The following FYCO1 variants were observed in gnomAD, a reference collection of about 807,000 sequenced individuals.
FYCO1 encodes the protein FYVE and coiled-coil domain autophagy adaptor 1.
Under a neutral mutation model 165.1 loss-of-function variants are expected in FYCO1, and 122 were observed. The observed-to-expected ratio is 0.74, with a 90% CI of 0.64 to 0.86. FYCO1 has a LOEUF of 0.86. FYCO1 is among the 40% of genes least tolerant of loss of function. FYCO1 has a pLI of 0.00. For missense variants in FYCO1, 1,702 were observed against 1,810.3 expected (o/e 0.94, Z 1.09); for synonymous variants, 648 against 742.5 (o/e 0.87, Z 2.07).
chr3:45,921,682 AC>A lies in FYCO1; in HGVS notation c.*82del. On this transcript the variant is annotated 3_prime_UTR_variant, in exon 18 of 18. Transcript: ENST00000296137. ...TGAGTTGATGATTTTGGAGCAGCTG[AC>A]TTTTTAAAAAAATGCTTTATGTGAC... 1 of 974,766 alleles carries A rather than the reference AC, an allele frequency of 1.0e-6. No individual in the cohort carries two copies. Among genetic ancestry groups the A allele is most frequent in the Non-Finnish European group, 1.7e-6 (1 of 601,958 alleles). The allele number at this position is 974,766 out of a possible 1,614,324, so 60.4% of individuals were successfully genotyped here.
At chr3:45,951,932 A>G (rs1238686014) in intron 14 of FYCO1, among the ~76,000 whole-genome samples, 4 of 152,220 alleles carry the variant, frequency 2.6e-5, no homozygotes, top group Non-Finnish European at 5.9e-5. Flanking sequence ...CGAAAGAGAG[A>G]ACATGAAGGC....
In FYCO1 at chr3:45,959,430, G is replaced by A. The variant is rs760469053; in HGVS notation, c.3550C>T (p.Arg1184Trp). Residue 1184 changes from arginine to tryptophan, a missense_variant, in exon 12 of 18, where the codon CGG (arginine) becomes TGG (tryptophan). Physicochemically the swap from Arg to Trp is moderately radical, Grantham distance 101. Coordinates refer to ENST00000296137, the MANE Select transcript of FYCO1 (RefSeq NM_024513.4). ...TEANHCLDCK[R>W]EFSWMVRRHH... ...CGCCGCACCATCCAGCTGAACTCCC[G>A]CTTACAGTCGAGGCAGTGGTTTGCC... The A allele has an allele frequency of 1.4e-5, 23 of 1,613,910 alleles. No individual in the cohort carries two copies. Among genetic ancestry groups the A allele is most frequent in the African/African-American group, 1.2e-4 (9 of 74,932 alleles).
chr3:45,922,459 G>C lies in FYCO1; in HGVS notation c.4362-619C>G, dbSNP rs531643596. Among the ~76,000 whole-genome samples, 13 of 152,318 alleles carry C rather than the reference G, an allele frequency of 8.5e-5. No homozygotes were observed. The East Asian group carries it at 2.1e-3, about 25-fold the overall frequency. On this transcript the variant is annotated intron_variant, in intron 17 of 17. Transcript: ENST00000296137. ...AATGGAGACTCAACTAAGGGCCGCT[G>C]GGGGAAGAGCAGAGCTTGGGCCTGG...
At chr3:45,989,723 C>A (rs1256934288) in intron 1 of FYCO1, among the ~76,000 whole-genome samples, 1 of 152,202 alleles carries the variant, frequency 6.6e-6, no homozygotes, top group Admixed American at 6.5e-5. Context: ...CCCTTCCCCC[C>A]ACCAACAATA....
At position 45,923,728 on chromosome 3, in the gene FYCO1, T is replaced by C. The variant is rs148020105; in HGVS notation, c.4289A>G (p.Glu1430Gly). ...IPTTRCNSHK[E>G]NIQGQLKVRT... ...AACCTTGAGCTGGCCCTGGATGTTC[T>C]CCTTGTGGGAGTTGCATCGGGTCGT... Residue 1430 changes from glutamate (E) to glycine (G), a missense_variant, in exon 17 of 18, where the codon GAG (glutamate) becomes GGG (glycine). By Grantham distance (98) the Glu-to-Gly change is moderately conservative. Coordinates refer to ENST00000296137, the MANE Select transcript of FYCO1 (RefSeq NM_024513.4). 2 of 1,614,024 alleles carry C rather than the reference T, an allele frequency of 1.2e-6. No homozygotes were observed. Among genetic ancestry groups the C allele is most frequent in the African/African-American group, 2.7e-5 (2 of 74,922 alleles).
Position 45,968,316 on chromosome 3 carries a change from G to A in FYCO1, c.1018C>T (p.Leu340=), listed in dbSNP as rs747864079. 6.2e-7 allele frequency: 1 copy of A among 1,613,834 alleles called. No homozygotes were observed. The highest frequency in any genetic ancestry group is 1.7e-5 in the Admixed American group (1 of 60,032). ...GCCAAGGGCTGCAGCATGGACTCCAGCCGCCGCAGGGCTGTGTGGTAGTCC... is the reference window on the plus strand; with the variant it reads ...GCCAAGGGCTGCAGCATGGACTCCAACCGCCGCAGGGCTGTGTGGTAGTCC... ...EEDYHTALRR[L]ESMLQPLAQE... is the part of the protein sequence containing the mutation. Residue 340 remains leucine (L), a synonymous_variant, in exon 8 of 18, where the codon CTG becomes TTG. Coordinates refer to ENST00000296137, the MANE Select transcript of FYCO1 (RefSeq NM_024513.4).
chr3:45,978,074 T>C (rs1341961997), intron 4 of FYCO1, among the ~76,000 whole-genome samples: 1 of 152,236 alleles, frequency 6.6e-6, no homozygotes, highest in Admixed American at 6.5e-5. Flanking sequence ...TCAATTTTCA[T>C]GGCTTCAGAC....
At chr3:45,959,624 G>C in intron 11 of FYCO1, 82 bp from the exon 12 acceptor site, 3 of 1,430,742 alleles carry the variant, frequency 2.1e-6, no homozygotes, top group South Asian at 1.2e-5. Context: ...CAAAAGACTG[G>C]TATCAAATTT....
chr3:45,995,312 C>T (rs1210315728), intron 1 of FYCO1, among the ~76,000 whole-genome samples: 1 of 152,262 alleles, frequency 6.6e-6, no homozygotes, highest in Non-Finnish European at 1.5e-5. Flanking sequence ...TGTCCCGGCC[C>T]AACTGGGCCA....
intron 13 of FYCO1, among the ~76,000 whole-genome samples, chr3:45,957,928 G>A (rs1705441314): frequency 6.6e-6 from 1 of 152,266 alleles, no homozygotes; most frequent in Non-Finnish European, 1.5e-5. Context: ...GCTCAAAACC[G>A]AAGCAGCAGA....
Position 45,966,719 on chromosome 3 carries a change from GCCCGCAGCT to G in FYCO1, c.2606_2614del (p.Glu869_Arg871del). Reference sequence around the variant, plus strand: ...GGCCTGGGACAGCTCCTCCTGCAGGGCCCGCAGCTCCTCCTCCCTCTGCTGGGCCTCATC... The same window carrying G: ...GGCCTGGGACAGCTCCTCCTGCAGGGCCTCCTCCCTCTGCTGGGCCTCATC... On this transcript the variant is annotated inframe_deletion, in exon 8 of 18. Coordinates refer to ENST00000296137, the MANE Select transcript of FYCO1 (RefSeq NM_024513.4). 5 of 1,612,488 alleles carry G rather than the reference GCCCGCAGCT, an allele frequency of 3.1e-6. No individual in the cohort carries two copies. The highest frequency in any genetic ancestry group is 4.2e-6 in the Non-Finnish European group (5 of 1,179,924).
chr3:45,929,215 C>G (rs1002048565), intron 16 of FYCO1, among the ~76,000 whole-genome samples: 3 of 152,228 alleles, frequency 2.0e-5, no homozygotes, highest in African/African-American at 7.2e-5. Context: ...CCTAAGCATC[C>G]TGTACACGGG....
chr3:45,966,840 C>T lies in FYCO1; in HGVS notation c.2494G>A (p.Glu832Lys). 1 of 1,611,810 alleles carries T rather than the reference C, an allele frequency of 6.2e-7. No individual in the cohort carries two copies. Among genetic ancestry groups the T allele is most frequent in the South Asian group, 1.1e-5 (1 of 91,088 alleles). ...GCTCTGTTAAGGGCTTCATTCTGCT[C>T]CTTCAGCTGCTGCACAAGGGTTTTG... is the stretch of plus-strand genomic sequence containing the variant. The part of the protein sequence containing the change: ...EHKTLVQQLK[E>K]QNEALNRAHV... The change falls in exon 8 of 18, where the codon GAG (glutamate) becomes AAG (lysine). Residue 832 changes from glutamate (E) to lysine (K), a missense_variant. Coordinates refer to ENST00000296137, the MANE Select transcript of FYCO1 (RefSeq NM_024513.4).
At chr3:45,935,290 C>T (rs913912020) in intron 15 of FYCO1, among the ~76,000 whole-genome samples, 5 of 152,220 alleles carry the variant, frequency 3.3e-5, no homozygotes, top group African/African-American at 1.2e-4. Context: ...ACATGGCAAT[C>T]AGAACAATCC....
At position 45,958,626 on chromosome 3, in the gene FYCO1, A is replaced by G. The variant is rs1374133865; in HGVS notation, c.3588-7T>C. ...GAAGATGCGGCCACATATCCTGGGAACAAAACAAGCCCAGGCTGTGAGGAT... is the reference window on the plus strand; with the variant it reads ...GAAGATGCGGCCACATATCCTGGGAGCAAAACAAGCCCAGGCTGTGAGGAT... On this transcript the variant is annotated splice_polypyrimidine_tract_variant and splice_region_variant and intron_variant, in intron 12 of 17. Transcript: ENST00000296137. 6.2e-7 allele frequency: 1 copy of G among 1,613,736 alleles called. No homozygotes were observed. Among genetic ancestry groups the G allele is most frequent in the South Asian group, 1.1e-5 (1 of 91,074 alleles).
intron 14 of FYCO1, among the ~76,000 whole-genome samples, chr3:45,943,986 A>G (rs1047379460): frequency 6.6e-6 from 1 of 152,246 alleles, no homozygotes; most frequent in Non-Finnish European, 1.5e-5. Context: ...AAAAAAAGGA[A>G]GAAATAAGTC....
intron 11 of FYCO1, 56 bp from the exon 12 acceptor site, chr3:45,959,598 T>C: frequency 1.3e-6 from 2 of 1,554,218 alleles, no homozygotes; most frequent in Non-Finnish European, 8.9e-7. Context: ...AACAATAGGA[T>C]GATCCTTCTT....
Position 45,959,540 on chromosome 3 carries a change from T to G in FYCO1, c.3440A>C (p.Asp1147Ala). The G allele has an allele frequency of 6.2e-7, 1 of 1,614,010 alleles. No homozygotes were observed. The highest frequency in any genetic ancestry group is 1.3e-5 in the African/African-American group (1 of 75,042). ...TGACTTCTGCCAGAGAGCATCCTTG[T>G]CCCTGGGACAAAACCACATTGGAAG... ...LEERLIELLRDKDALWQKSDA... is the reference protein window; with the variant it reads ...LEERLIELLRAKDALWQKSDA... Residue 1147 changes from aspartate (D) to alanine (A), a missense_variant and splice_region_variant, in exon 12 of 18, where the codon GAC becomes GCC. Transcript: ENST00000296137.
At chr3:45,965,843 A>G (rs1008802973) in intron 8 of FYCO1, among the ~76,000 whole-genome samples, 1 of 152,226 alleles carries the variant, frequency 6.6e-6, no homozygotes, top group Non-Finnish European at 1.5e-5. Context: ...TGTAAGGAAA[A>G]GTGCAGAGGA....
Sources: allele counts gnomAD v4.1 joint callset (sites outside exome capture counted in the v4.1 genomes callset), GRCh38; gene constraint gnomAD v4.1.1; transcripts MANE v1.5; gene names NCBI Gene and HGNC (gene_info 2026-07-23, HGNC 2026-07-21).